The following SHLD1 variants were observed in gnomAD, a reference collection of about 807,000 sequenced individuals.
SHLD1 encodes RINN1-REV7-interacting novel NHEJ regulator 3.
SHLD1 carries 3 observed loss-of-function variants against 5.5 expected under a neutral mutation model. That is an observed-to-expected ratio of 0.54 (90% CI 0.25 to 1.40). The LOEUF (loss-of-function observed/expected upper bound fraction) is 1.40. Ranked by LOEUF, SHLD1 falls within the 40% of genes most tolerant of loss-of-function variation. The pLI is 0.15. For missense variants in SHLD1, 210 were observed against 244.4 expected (o/e 0.86, Z 0.94); for synonymous variants, 92 against 94.3 (o/e 0.98, Z 0.14).
intron 2 of SHLD1, among the ~76,000 whole-genome samples, chr20:5,839,534 A>AGAT (rs1470084038): frequency 9.9e-4 from 140 of 141,600 alleles, no homozygotes; most frequent in Middle Eastern, 7.0e-3. Flanking sequence ...GATGATAGAT[A>AGAT]GACAGATAGA....
At chr20:5,849,545 C>T (rs1007645735) in intron 2 of SHLD1, among the ~76,000 whole-genome samples, 1 of 152,202 alleles carries the variant, frequency 6.6e-6, no homozygotes, top group Non-Finnish European at 1.5e-5. Context: ...CCACTGTTAA[C>T]CCAGGTATAT....
chr20:5,757,846 AC>A (rs1441299457), intron 1 of SHLD1, among the ~76,000 whole-genome samples: 1 of 151,866 alleles, frequency 6.6e-6, no homozygotes, highest in Non-Finnish European at 1.5e-5. Flanking sequence ...CAGGTGATCC[AC>A]CCGCCTCAGC....
chr20:5,844,770 CATAT>C lies in SHLD1; in HGVS notation c.179-18227_179-18224del, dbSNP rs150675433. 3.9e-3 allele frequency among the ~76,000 whole-genome samples: 397 copies of C among 100,872 alleles called. 2 individuals carry two copies. The highest frequency in any genetic ancestry group is 4.4e-3 in the Admixed American group (38 of 8,644). 66.2% of individuals were successfully genotyped at this position (100,872 alleles called of 152,430 possible). Reference sequence around the variant, plus strand: ...ATAATATCTATCACTGTGTAGTAGACATATATATATATATATATATATATATATA... The same window carrying C: ...ATAATATCTATCACTGTGTAGTAGACATATATATATATATATATATATATA... On this transcript the variant is annotated intron_variant, in intron 2 of 2. Coordinates refer to ENST00000303142, the MANE Select transcript of SHLD1 (RefSeq NM_152504.4).
intron 2 of SHLD1, chr20:5,773,421 G>A: frequency 2.1e-6 from 1 of 480,222 alleles, no homozygotes; most frequent in African/African-American, 1.9e-5. Context: ...TATGTGTGAT[G>A]AGTAATAAAA....
At chr20:5,818,283 C>T (rs2087563685) in intron 2 of SHLD1, among the ~76,000 whole-genome samples, 1 of 152,016 alleles carries the variant, frequency 6.6e-6, no homozygotes, top group East Asian at 1.9e-4. Flanking sequence ...ACCATGTTGG[C>T]CAGGCTGCTC....
intron 2 of SHLD1, among the ~76,000 whole-genome samples, chr20:5,775,175 A>G (rs1985366429): frequency 6.6e-6 from 1 of 151,794 alleles, no homozygotes; most frequent in Non-Finnish European, 1.5e-5. Flanking sequence ...AGTAGCTGGG[A>G]TTACAGGCTC....
Position 5,863,524 on chromosome 20 carries a change from G to A in SHLD1, c.*61G>A, listed in dbSNP as rs1349950460. On this transcript the variant is annotated 3_prime_UTR_variant, in exon 3 of 3. Transcript: ENST00000303142. ...TGCTGTGCCATGACCAGCAGTGTTG[G>A]TGGCCACCCAGATCCCCTAGGGTCT... 1 of 1,496,292 alleles carries A rather than the reference G, an allele frequency of 6.7e-7. No individual in the cohort carries two copies. The highest frequency in any genetic ancestry group is 1.4e-5 in the African/African-American group (1 of 71,428). The allele number at this position is 1,496,292 out of a possible 1,614,324, so 92.7% of individuals were successfully genotyped here.
intron 2 of SHLD1, among the ~76,000 whole-genome samples, chr20:5,843,190 C>T (rs1321643054): frequency 1.3e-5 from 2 of 152,126 alleles, no homozygotes; most frequent in African/African-American, 4.8e-5. Flanking sequence ...CAGTCTGGAA[C>T]CATATTAAAA....
At position 5,752,350 on chromosome 20, in the gene SHLD1, C is replaced by T. The variant is rs1356648948; in HGVS notation, c.-5+1871C>T. 7.3e-5 allele frequency among the ~76,000 whole-genome samples: 11 copies of T among 150,542 alleles called. No homozygotes were observed. The East Asian group carries it at 1.2e-3, about 16-fold the overall frequency. ...GACAAAGGTTGCAGTGAGCTGAGAT[C>T]GCACTACTGCACTCTAGCCTGGATG... On this transcript the variant is annotated intron_variant, in intron 1 of 2. Transcript: ENST00000303142.
At chr20:5,797,296 CA>C (rs1360169237) in intron 2 of SHLD1, among the ~76,000 whole-genome samples, 1 of 152,110 alleles carries the variant, frequency 6.6e-6, no homozygotes, top group African/African-American at 2.4e-5. Context: ...CACAGTGGCT[CA>C]TGCCTGTAAT....
chr20:5,861,283 G>A lies in SHLD1; in HGVS notation c.179-1741G>A, dbSNP rs146098046. Among the ~76,000 whole-genome samples, 410 of 152,364 alleles carry A rather than the reference G, an allele frequency of 2.7e-3. 3 individuals carry two copies. Among genetic ancestry groups the A allele is most frequent in the African/African-American group, 8.5e-3 (354 of 41,586 alleles). On this transcript the variant is annotated intron_variant, in intron 2 of 2. Transcript: ENST00000303142. Reference sequence around the variant, plus strand: ...ACTGCATGTTTCCACAGAGTCCACAGTGTCCCAGTTAATGTCACTACATCA... The same window carrying A: ...ACTGCATGTTTCCACAGAGTCCACAATGTCCCAGTTAATGTCACTACATCA...
chr20:5,824,002 T>C (rs2087637849), intron 2 of SHLD1, among the ~76,000 whole-genome samples: 1 of 152,198 alleles, frequency 6.6e-6, no homozygotes, highest in Non-Finnish European at 1.5e-5. Flanking sequence ...TGGTCTCCTT[T>C]CCAGCAGCAG....
intron 1 of SHLD1, among the ~76,000 whole-genome samples, chr20:5,768,567 A>G (rs994723394): frequency 3.3e-5 from 5 of 152,218 alleles, no homozygotes; most frequent in African/African-American, 1.2e-4. Flanking sequence ...TAATTGACTG[A>G]CTGCATGTTT....
intron 2 of SHLD1, among the ~76,000 whole-genome samples, chr20:5,833,361 G>A (rs2087752393): frequency 6.6e-6 from 1 of 152,178 alleles, no homozygotes; most frequent in South Asian, 2.1e-4. Context: ...CTTCCGAAAT[G>A]TTGAAATAAT....
intron 2 of SHLD1, among the ~76,000 whole-genome samples, chr20:5,828,213 G>A (rs1462096886): frequency 6.6e-6 from 1 of 152,056 alleles, no homozygotes; most frequent in Non-Finnish European, 1.5e-5. Flanking sequence ...GAATTTATCT[G>A]TATAATTATT....
At chr20:5,754,910 C>A (rs554338245) in intron 1 of SHLD1, among the ~76,000 whole-genome samples, 2 of 152,020 alleles carry the variant, frequency 1.3e-5, no homozygotes, top group East Asian at 3.9e-4. Context: ...ACAAAAATTA[C>A]CTGGGCGTGG....
intron 2 of SHLD1, among the ~76,000 whole-genome samples, chr20:5,785,041 A>C (rs1485262650): frequency 6.6e-6 from 1 of 152,226 alleles, no homozygotes; most frequent in Admixed American, 6.5e-5. Context: ...TCAAGTAAGC[A>C]TTCATCTGAC....
intron 2 of SHLD1, among the ~76,000 whole-genome samples, chr20:5,813,945 CTTTTT>C (rs143110037): frequency 1.3e-5 from 1 of 79,974 alleles, no homozygotes; most frequent in Non-Finnish European, 2.3e-5. Flanking sequence ...CCTTTTCTTT[CTTTTT>C]TTTTTTTTTT....
At chr20:5,758,537 G>A (rs1046320780) in intron 1 of SHLD1, among the ~76,000 whole-genome samples, 3 of 151,878 alleles carry the variant, frequency 2.0e-5, no homozygotes, top group African/African-American at 7.3e-5. Flanking sequence ...TCCTGCCTCA[G>A]CCTTCCGAGT....
Sources: gnomAD v4.1 joint callset for allele counts (sites outside exome capture counted in the v4.1 genomes callset) on GRCh38, gnomAD v4.1.1 for gene constraint, MANE v1.5 for transcripts, NCBI Gene and HGNC (gene_info 2026-07-23, HGNC 2026-07-21) for gene names.